Variants in SVIL observed in about 807,000 individuals in gnomAD.
The protein encoded by SVIL is archvillin.
Under a neutral mutation model 240.4 loss-of-function variants are expected in SVIL, and 101 were observed. The ratio of observed to expected loss-of-function variants is 0.42; its 90% confidence interval spans 0.36 to 0.50. SVIL has a LOEUF of 0.50. Among genes scored for constraint, SVIL ranks in the 20% least tolerant of loss-of-function variants. SVIL has a pLI of 0.01. For synonymous variants in SVIL, 999 were observed against 1,100.0 expected (o/e 0.91, Z 1.82); for missense variants, 2,512 against 2,818.7 (o/e 0.89, Z 2.46).
chr10:29,587,147 G>C (rs1328437368), intron 1 of SVIL, among the ~76,000 whole-genome samples: 1 of 152,240 alleles, frequency 6.6e-6, no homozygotes, highest in Non-Finnish European at 1.5e-5. Context: ...GTACCATTCT[G>C]TCCTTCGGAC....
chr10:29,712,516 C>T (rs1564351781), intron 1 of SVIL, among the ~76,000 whole-genome samples: 1 of 152,188 alleles, frequency 6.6e-6, no homozygotes, highest in African/African-American at 2.4e-5. Context: ...GTGGAAGCAG[C>T]CTGAGGCTTT....
intron 8 of SVIL, 120 bp from the exon 9 acceptor site, chr10:29,532,292 T>C: frequency 7.7e-7 from 1 of 1,290,824 alleles, no homozygotes; most frequent in Non-Finnish European, 1.0e-6. Context: ...CCCCTCTTCA[T>C]GCCTCTACCA....
chr10:29,727,269 A>G (rs1486078622), intron 1 of SVIL, among the ~76,000 whole-genome samples: 2 of 152,160 alleles, frequency 1.3e-5, no homozygotes, highest in African/African-American at 4.8e-5. Flanking sequence ...GCTGAAACAA[A>G]GATTCCTTGG....
At chr10:29,688,212 A>G (rs1179673440) in intron 1 of SVIL, among the ~76,000 whole-genome samples, 3 of 152,228 alleles carry the variant, frequency 2.0e-5, no homozygotes, top group Non-Finnish European at 2.9e-5. Flanking sequence ...GCATTAGCTA[A>G]TTCAGTTTGT....
In SVIL at chr10:29,640,316, G is replaced by A. The variant is rs114846364; in HGVS notation, c.-201+17653C>T. Among the ~76,000 whole-genome samples the A allele has an allele frequency of 1.5e-3, 234 of 152,006 alleles. 1 individual carries two copies. The highest frequency in any genetic ancestry group is 5.5e-3 in the African/African-American group (228 of 41,464). ...TCCGCCTCCATGGAATGTCCTCTTC[G>A]TAAAATGTCTCCAACACTCCTTTCC... On this transcript the variant is annotated intron_variant, in intron 3 of 35. Coordinates refer to the SVIL transcript ENST00000375400.
chr10:29,731,211 C>T (rs1024032349), intron 1 of SVIL, among the ~76,000 whole-genome samples: 1 of 152,170 alleles, frequency 6.6e-6, no homozygotes, highest in African/African-American at 2.4e-5. Flanking sequence ...TTCTGAACTG[C>T]GAGTCCATCC....
At chr10:29,695,776 C>A (rs1370989245) in intron 1 of SVIL, among the ~76,000 whole-genome samples, 1 of 150,978 alleles carries the variant, frequency 6.6e-6, no homozygotes, top group African/African-American at 2.4e-5. Context: ...ATAAGATGTA[C>A]AAACAGCTCC....
In SVIL at chr10:29,611,373, G is replaced by T. The variant is rs964691014; in HGVS notation, c.-201+23047C>A. Among the ~76,000 whole-genome samples, 8 of 151,944 alleles carry T rather than the reference G, an allele frequency of 5.3e-5. No individual in the cohort carries two copies. In the East Asian group the frequency reaches 1.2e-3, roughly 22 times the overall value. ...GGATGCTGGTATGGCCACAGCTCTA[G>T]CCTGTCTAGAATAGGGACCGAGGTG... On this transcript the variant is annotated intron_variant, in intron 1 of 37. Coordinates refer to ENST00000355867, the MANE Select transcript of SVIL (RefSeq NM_021738.3).
intron 1 of SVIL, among the ~76,000 whole-genome samples, chr10:29,708,639 A>G (rs1281069007): frequency 2.0e-5 from 3 of 152,314 alleles, no homozygotes; most frequent in Middle Eastern, 3.4e-3. Flanking sequence ...AAAAGAAAAC[A>G]AAAGATTTTG....
At chr10:29,716,085 T>G (rs1963592944) in intron 1 of SVIL, among the ~76,000 whole-genome samples, 1 of 152,240 alleles carries the variant, frequency 6.6e-6, no homozygotes, top group African/African-American at 2.4e-5. Context: ...TTGTAGCAGA[T>G]GAGTCTACAA....
At chr10:29,604,285 C>A (rs1956928436) in intron 1 of SVIL, among the ~76,000 whole-genome samples, 1 of 148,992 alleles carries the variant, frequency 6.7e-6, no homozygotes. Flanking sequence ...CTGCAACCTC[C>A]ACCTCCCGGG....
In SVIL at chr10:29,599,990, CAA is replaced by C. The variant is rs1235406575; in HGVS notation, c.-200-30680_-200-30679del. Among the ~76,000 whole-genome samples the C allele has an allele frequency of 4.6e-5, 7 of 152,016 alleles. No individual in the cohort carries two copies. The East Asian group carries it at 1.2e-3, about 25-fold the overall frequency. The stretch of plus-strand genomic sequence containing the variant: ...AACCAATAAAATCCACTACATGTGG[CAA>C]AAGAGGTACTCTACTATTGAGTGCT... On this transcript the variant is annotated intron_variant, in intron 1 of 37. Coordinates refer to ENST00000355867, the MANE Select transcript of SVIL (RefSeq NM_021738.3).
At chr10:29,518,487 C>T (rs1304182395) in intron 16 of SVIL, among the ~76,000 whole-genome samples, 1 of 152,104 alleles carries the variant, frequency 6.6e-6, no homozygotes, top group Admixed American at 6.5e-5. Context: ...TGGAGGTTTT[C>T]CTATAATTTC....
chr10:29,724,880 G>A (rs1163588370), intron 1 of SVIL, among the ~76,000 whole-genome samples: 1 of 151,844 alleles, frequency 6.6e-6, no homozygotes, highest in Admixed American at 6.6e-5. Context: ...AAATTAGCTG[G>A]GTGTGGTGGC....
intron 29 of SVIL, among the ~76,000 whole-genome samples, chr10:29,476,623 T>G (rs1946223592): frequency 6.6e-6 from 1 of 152,188 alleles, no homozygotes; most frequent in South Asian, 2.1e-4. Context: ...CAGGTTAGTC[T>G]GAAACATGTG....
intron 17 of SVIL, among the ~76,000 whole-genome samples, chr10:29,510,419 T>A (rs1295574012): frequency 6.6e-6 from 1 of 151,596 alleles, no homozygotes; most frequent in Admixed American, 6.6e-5. Flanking sequence ...GTTGCACGTG[T>A]TTTCACAGGA....
chr10:29,593,590 C>T (rs546973001), intron 1 of SVIL, among the ~76,000 whole-genome samples: 15 of 152,318 alleles, frequency 9.8e-5, no homozygotes, highest in African/African-American at 3.1e-4. Context: ...CTCTGCCTCC[C>T]GGCCTCCTTC....
intron 17 of SVIL, among the ~76,000 whole-genome samples, chr10:29,500,939 G>A (rs1475797229): frequency 6.6e-6 from 1 of 152,120 alleles, no homozygotes; most frequent in Non-Finnish European, 1.5e-5. Context: ...TGGAATGATG[G>A]GAGTTGACAG....
At chr10:29,672,632 T>A (rs1959868749) in intron 2 of SVIL, among the ~76,000 whole-genome samples, 1 of 152,164 alleles carries the variant, frequency 6.6e-6, no homozygotes, top group Non-Finnish European at 1.5e-5. Context: ...ATTAATAATG[T>A]TTATTTCTTT....
Sources: gnomAD v4.1 joint callset for allele counts (sites outside exome capture counted in the v4.1 genomes callset) on GRCh38, gnomAD v4.1.1 for gene constraint, MANE v1.5 for transcripts, NCBI Gene and HGNC (gene_info 2026-07-23, HGNC 2026-07-21) for gene names.